Variants in PUS7L observed in about 807,000 individuals in gnomAD.
PUS7L encodes the protein pseudouridylate synthase PUS7L.
In PUS7L, 49 loss-of-function variants were observed where a neutral mutation model predicts 51.1. The observed-to-expected ratio is 0.96, with a 90% CI of 0.76 to 1.22. The LOEUF is 1.22. PUS7L is among the 50% of genes most tolerant of loss of function. PUS7L has a pLI of 0.00. For missense variants in PUS7L, 828 were observed against 820.6 expected, an observed-to-expected ratio of 1.01 and a Z score of -0.11; for synonymous variants, 277 against 276.2, an observed-to-expected ratio of 1.00 and a Z score of -0.03.
At chr12:43,749,874 T>C (rs893983317) in intron 2 of PUS7L, among the ~76,000 whole-genome samples, 2 of 151,892 alleles carry the variant, frequency 1.3e-5, no homozygotes, top group East Asian at 3.9e-4. Flanking sequence ...ATGGAAACAA[T>C]AGACACTGGG....
At chr12:43,739,812 A>G (rs1937805763) in intron 5 of PUS7L, 1 of 152,206 alleles carries the variant, frequency 6.6e-6, no homozygotes, top group Admixed American at 6.5e-5. Flanking sequence ...ATAAAGAGAG[A>G]CATAAAATTG....
chr12:43,750,500 G>C (rs1308313902), intron 2 of PUS7L, among the ~76,000 whole-genome samples: 2 of 152,090 alleles, frequency 1.3e-5, no homozygotes, highest in Non-Finnish European at 2.9e-5. Context: ...TAATGTATAA[G>C]ATTTATAACA....
chr12:43,727,994 G>C lies in PUS7L; in HGVS notation c.*2382C>G, dbSNP rs1319348099. The stretch of plus-strand genomic sequence containing the variant: ...TTTAATTGGCATGTGATGTTTAAAG[G>C]ACATCCTTGCAGTTTAAGATGACAC... On this transcript the variant is annotated 3_prime_UTR_variant, in exon 9 of 9. Coordinates refer to ENST00000344862, the MANE Select transcript of PUS7L (RefSeq NM_031292.5). 6.6e-6 allele frequency: 1 copy of C among 151,616 alleles called. No individual in the cohort carries two copies. 9.4% of individuals were successfully genotyped at this position (151,616 alleles called of 1,614,324 possible).
rs754169098 is a variant in PUS7L at position 43,736,359 on chromosome 12, ACT to A, written c.1725+20_1725+21del. ...CTGGTATAGTAACTACTCTTGGAAA[ACT>A]CTGATGGAATGATACTTACTTTACT... is the stretch of plus-strand genomic sequence containing the variant. On this transcript the variant is annotated intron_variant, in intron 7 of 8. Transcript: ENST00000344862. 6.2e-7 allele frequency: 1 copy of A among 1,603,892 alleles called. No individual in the cohort carries two copies. Among genetic ancestry groups the A allele is most frequent in the Non-Finnish European group, 8.5e-7 (1 of 1,173,256 alleles).
intron 2 of PUS7L, among the ~76,000 whole-genome samples, chr12:43,752,743 GA>G (rs1290923066): frequency 6.6e-6 from 1 of 152,112 alleles, no homozygotes; most frequent in Non-Finnish European, 1.5e-5. Flanking sequence ...AGAGGAGGAA[GA>G]ATTGTTTAAT....
intron 2 of PUS7L, among the ~76,000 whole-genome samples, chr12:43,750,956 T>C (rs1294121819): frequency 1.3e-5 from 2 of 152,298 alleles, no homozygotes; most frequent in South Asian, 4.1e-4. Flanking sequence ...AATCGTTCCT[T>C]GAGTTTGTTG....
intron 4 of PUS7L, 132 bp from the exon 5 acceptor site, chr12:43,742,687 C>T: frequency 8.0e-7 from 1 of 1,257,792 alleles, no homozygotes; most frequent in Non-Finnish European, 1.0e-6. Flanking sequence ...CACATAGGGA[C>T]CAAATGGTCT....
At position 43,723,215 on chromosome 12, in the gene PUS7L, A is replaced by G. The variant is rs964007065; in HGVS notation, c.*7161T>C. ...CAGAGTAAATTAACTCCTGCCTCAA[A>G]GTTGCTGAGAAAATGAATTGCTTAA... On this transcript the variant is annotated 3_prime_UTR_variant, in exon 9 of 9. Coordinates refer to ENST00000344862, the MANE Select transcript of PUS7L (RefSeq NM_031292.5). 1.3e-5 allele frequency: 2 copies of G among 152,074 alleles called. No individual in the cohort carries two copies. Among genetic ancestry groups the G allele is most frequent in the African/African-American group, 4.8e-5 (2 of 41,432 alleles). The allele number at this position is 152,074 out of a possible 1,614,324, so 9.4% of individuals were successfully genotyped here.
chr12:43,737,583 A>G (rs1322552470), intron 6 of PUS7L, among the ~76,000 whole-genome samples: 1 of 150,486 alleles, frequency 6.6e-6, no homozygotes, highest in East Asian at 1.9e-4. Flanking sequence ...AATATTTATA[A>G]TATTATAAAT....
intron 5 of PUS7L, 69 bp from the exon 6 acceptor site, chr12:43,738,460 A>AGAG: frequency 1.2e-6 from 1 of 823,730 alleles, no homozygotes; most frequent in Non-Finnish European, 2.1e-6. Context: ...AAAAAGATGC[A>AGAG]AATTCTCTAG....
intron 6 of PUS7L, among the ~76,000 whole-genome samples, chr12:43,737,177 G>T (rs75983515): frequency 2.0e-5 from 3 of 152,114 alleles, no homozygotes; most frequent in African/African-American, 7.2e-5. Flanking sequence ...CCACAAAGAT[G>T]CTTATTCACG....
At chr12:43,735,602 C>A (rs967791746) in intron 7 of PUS7L, among the ~76,000 whole-genome samples, 2 of 151,276 alleles carry the variant, frequency 1.3e-5, no homozygotes, top group African/African-American at 4.9e-5. Context: ...TAAGTCCTAC[C>A]TTTTCTTTTC....
chr12:43,730,755 G>T, intron 8 of PUS7L, 53 bp from the exon 9 acceptor site: 3 of 1,206,664 alleles, frequency 2.5e-6, no homozygotes, highest in Non-Finnish European at 3.5e-6. Flanking sequence ...AAAGATACAT[G>T]ATCATATTTT....
chr12:43,748,385 T>C (rs907205167), intron 3 of PUS7L, 65 bp downstream of exon 3: 17 of 1,191,472 alleles, frequency 1.4e-5, no homozygotes, highest in Admixed American at 2.4e-5. Flanking sequence ...TTAGAAACCA[T>C]TTAGACAATT....
chr12:43,741,714 T>G (rs2137701950), intron 5 of PUS7L, among the ~76,000 whole-genome samples: 1 of 152,316 alleles, frequency 6.6e-6, no homozygotes, highest in Non-Finnish European at 1.5e-5. Flanking sequence ...GCAGATGTGG[T>G]CTAAATCATC....
rs758348221 is a variant in PUS7L, at chr12:43,725,696, A to T, written c.*4680T>A. ...AGCCACCGTGCCTGGCCTAAATGGA[A>T]GTTAATATCCAAAAACTTGTTCTCA... is the stretch of plus-strand genomic sequence containing the variant. On this transcript the variant is annotated 3_prime_UTR_variant, in exon 9 of 9. Coordinates refer to ENST00000344862, the MANE Select transcript of PUS7L (RefSeq NM_031292.5). The T allele has an allele frequency of 3.3e-5, 5 of 152,180 alleles. No homozygotes were observed. Among genetic ancestry groups the T allele is most frequent in the Non-Finnish European group, 7.3e-5 (5 of 68,052 alleles). 9.4% of individuals were successfully genotyped at this position (152,180 alleles called of 1,614,324 possible).
rs145402641 is a variant in PUS7L, at chr12:43,736,442, A to C, written c.1664T>G (p.Val555Gly). The C allele has an allele frequency of 5.0e-6, 8 of 1,614,084 alleles. No homozygotes were observed. Among genetic ancestry groups the C allele is most frequent in the Non-Finnish European group, 5.9e-6 (7 of 1,180,042 alleles). The change falls in exon 7 of 9, where the codon GTG becomes GGG. Residue 555 changes from valine to glycine, a missense_variant. Transcript: ENST00000344862. The stretch of plus-strand genomic sequence containing the variant: ...ATCCAAACAGACCAAATCACCCTGC[A>C]CTACTCTTGCTCCATAGGTTTCAAG... Reference protein sequence around the residue: ...YRLETYGARVVQGDLVCLDED... With the variant: ...YRLETYGARVGQGDLVCLDED...
In PUS7L at chr12:43,736,504, A is replaced by G. The variant is rs1307842384; in HGVS notation, c.1602T>C (p.Tyr534=). The change falls in exon 7 of 9, where the codon TAT becomes TAC. Residue 534 remains tyrosine (Y), a synonymous_variant. Coordinates refer to ENST00000344862, the MANE Select transcript of PUS7L (RefSeq NM_031292.5). ...CTGCCTCATTCCAAATTTTGCTGGT[A>G]TATGCGTGAACATAGAATATGCGCA... ...HSMRIFYVHA[Y]TSKIWNEAVS... is the part of the protein sequence containing the mutation. 1.2e-6 allele frequency: 2 copies of G among 1,614,140 alleles called. No individual in the cohort carries two copies. The highest frequency in any genetic ancestry group is 1.3e-5 in the African/African-American group (1 of 74,952).
At chr12:43,750,784 T>C (rs1259039487) in intron 2 of PUS7L, among the ~76,000 whole-genome samples, 2 of 152,152 alleles carry the variant, frequency 1.3e-5, no homozygotes, top group Admixed American at 6.5e-5. Flanking sequence ...TAGAAGTACA[T>C]TCTGGAACAT....
Sources: gnomAD v4.1 joint callset for allele counts (sites outside exome capture counted in the v4.1 genomes callset) on GRCh38, gnomAD v4.1.1 for gene constraint, MANE v1.5 for transcripts, NCBI Gene and HGNC (gene_info 2026-07-23, HGNC 2026-07-21) for gene names.